The following CCNH variants were observed in gnomAD, a reference collection of about 807,000 sequenced individuals.
CCNH encodes cyclin-H.
CCNH carries 31 observed loss-of-function variants against 41.9 expected under a neutral mutation model. That is an observed-to-expected ratio of 0.74 (90% CI 0.56 to 1.00). The LOEUF (loss-of-function observed/expected upper bound fraction) is 1.00, where lower values mean the gene tolerates loss of function less well. Among genes scored for constraint, CCNH ranks in the 50% least tolerant of loss-of-function variants. The probability of loss-of-function intolerance (pLI) is 0.00; values close to 1 mark genes in which losing one functional copy is unlikely to be tolerated. For synonymous variants in CCNH, 138 were observed against 136.1 expected (o/e 1.01, Z -0.10); for missense variants, 362 against 388.4 (o/e 0.93, Z 0.57).
intron 5 of CCNH, 93 bp from the exon 6 acceptor site, chr5:87,401,865 G>A: frequency 8.6e-6 from 6 of 697,428 alleles, no homozygotes; most frequent in East Asian, 3.1e-5. Flanking sequence ...CCTCATCAAA[G>A]GCAATTAAAA....
downstream of CCNH, among the ~76,000 whole-genome samples, chr5:87,375,401 C>T (rs957875431): frequency 2.0e-5 from 3 of 151,982 alleles, no homozygotes; most frequent in Non-Finnish European, 4.4e-5. Context: ...TCTGGGACTA[C>T]AGGCGCCCGC....
At chr5:87,363,510 A>T in intron 9 of CCNH, 1 of 1,609,804 alleles carries the variant, frequency 6.2e-7, no homozygotes, top group Admixed American at 1.7e-5. Flanking sequence ...GGCAGGTAAG[A>T]GACTGGTTTC....
chr5:87,334,725 G>A (rs1024381348), intron 9 of CCNH, among the ~76,000 whole-genome samples: 2 of 152,198 alleles, frequency 1.3e-5, no homozygotes, highest in Admixed American at 1.3e-4. Context: ...ATTGAAGAGT[G>A]TTGTTGATGA....
At chr5:87,372,308 C>A, downstream of CCNH, 1 of 911,962 alleles carries the variant, frequency 1.1e-6, no homozygotes, top group Non-Finnish European at 1.7e-6. Context: ...TTAAGCCATG[C>A]TGCCACTTGC....
At chr5:87,381,630 A>C (rs1761723390), upstream of CCNH, among the ~76,000 whole-genome samples, 1 of 152,190 alleles carries the variant, frequency 6.6e-6, no homozygotes. Context: ...ATATGACATA[A>C]TATTTAAGAA....
At chr5:87,351,104 T>A (rs1306767430) in intron 9 of CCNH, among the ~76,000 whole-genome samples, 2 of 151,458 alleles carry the variant, frequency 1.3e-5, no homozygotes, top group Non-Finnish European at 3.0e-5. Context: ...GAGACCTTGA[T>A]AAAGAGGGAT....
At chr5:87,339,046 T>G (rs2112391668) in intron 9 of CCNH, among the ~76,000 whole-genome samples, 2 of 152,248 alleles carry the variant, frequency 1.3e-5, no homozygotes, top group East Asian at 3.9e-4. Context: ...TCCTTTCGGA[T>G]TTTTCTAGTG....
intron 9 of CCNH, among the ~76,000 whole-genome samples, chr5:87,363,854 C>T (rs1760303562): frequency 6.6e-6 from 1 of 152,002 alleles, no homozygotes; most frequent in Non-Finnish European, 1.5e-5. Context: ...GCACTCAATT[C>T]TGCTATTAAC....
chr5:87,349,355 A>G, intron 9 of CCNH: 1 of 1,611,582 alleles, frequency 6.2e-7, no homozygotes, highest in Non-Finnish European at 8.5e-7. Flanking sequence ...GGAGGCCGGT[A>G]TTATAACAGG....
chr5:87,314,167 C>CTT (rs1485811153), downstream of CCNH, among the ~76,000 whole-genome samples: 2 of 152,066 alleles, frequency 1.3e-5, no homozygotes, highest in African/African-American at 4.8e-5. Flanking sequence ...GAGCAAAACT[C>CTT]TGTCTCAAAA....
At chr5:87,378,493 G>A, upstream of CCNH, 1 of 1,611,788 alleles carries the variant, frequency 6.2e-7, no homozygotes. Context: ...ATCATGCTTT[G>A]AAAGACTCTA....
rs946932938 is a variant in CCNH at position 87,411,143 on chromosome 5, T to C, written c.240+81A>G. 3.6e-6 allele frequency: 5 copies of C among 1,402,158 alleles called. No individual in the cohort carries two copies. The African/African-American group carries it at 5.9e-5, about 16-fold the overall frequency. 86.9% of individuals were successfully genotyped at this position (1,402,158 alleles called of 1,614,324 possible). ...GTAACTAAGGTGAATTTTTAAGACT[T>C]GAGTGGACAGGGAATTTAGAAGAGG... is the stretch of plus-strand genomic sequence containing the variant. On this transcript the variant is annotated intron_variant, in intron 2 of 8. Coordinates refer to ENST00000256897, the MANE Select transcript of CCNH (RefSeq NM_001239.4).
downstream of CCNH, chr5:87,389,269 T>A (rs184335132): frequency 1.6e-3 from 1,979 of 1,259,116 alleles, 31 homozygotes; most frequent in African/African-American, 0.026. Context: ...AGGCGGAGGT[T>A]GCAGTGAGCC....
At chr5:87,373,336 T>TTACG (rs1277670289), downstream of CCNH, among the ~76,000 whole-genome samples, 3 of 152,206 alleles carry the variant, frequency 2.0e-5, no homozygotes, top group Admixed American at 2.0e-4. Context: ...TAGAGATGAT[T>TTACG]TACGGCATAC....
downstream of CCNH, among the ~76,000 whole-genome samples, chr5:87,316,450 C>A (rs1223776202): frequency 6.6e-6 from 1 of 152,204 alleles, no homozygotes; most frequent in African/African-American, 2.4e-5. Context: ...AAAAATACTT[C>A]ACAACCAAAG....
downstream of CCNH, among the ~76,000 whole-genome samples, chr5:87,372,450 G>T (rs1415109566): frequency 6.6e-6 from 1 of 152,034 alleles, no homozygotes; most frequent in African/African-American, 2.4e-5. Flanking sequence ...AGCAGAAACG[G>T]TTCTGTTGGG....
chr5:87,374,493 T>C (rs1343120092), downstream of CCNH, among the ~76,000 whole-genome samples: 2 of 149,862 alleles, frequency 1.3e-5, no homozygotes, highest in African/African-American at 4.9e-5. Flanking sequence ...TTGTTCACCT[T>C]TATTTGTGAA....
downstream of CCNH, chr5:87,372,049 A>AG: frequency 6.9e-7 from 1 of 1,445,010 alleles, no homozygotes; most frequent in Non-Finnish European, 9.5e-7. Flanking sequence ...GAAAAAAAAA[A>AG]CCTAACTGAT....
At chr5:87,323,263 GCATAGA>G (rs1756959611) in intron 9 of CCNH, among the ~76,000 whole-genome samples, 2 of 152,128 alleles carry the variant, frequency 1.3e-5, no homozygotes, top group Admixed American at 6.6e-5. Flanking sequence ...CTTTGAGAAA[GCATAGA>G]GGGAGAAAAC....
Sources: gnomAD v4.1 joint callset for allele counts (sites outside exome capture counted in the v4.1 genomes callset) on GRCh38, gnomAD v4.1.1 for gene constraint, MANE v1.5 for transcripts, NCBI Gene and HGNC (gene_info 2026-07-23, HGNC 2026-07-21) for gene names.